Variants in PPP1R36 observed in about 807,000 individuals in gnomAD.
PPP1R36 encodes protein phosphatase 1 regulatory subunit 36, also known as chromosome 14 open reading frame 50.
Under a neutral mutation model 53.4 loss-of-function variants are expected in PPP1R36, and 47 were observed. The ratio of observed to expected loss-of-function variants is 0.88; its 90% CI spans 0.70 to 1.12. The LOEUF (loss-of-function observed/expected upper bound fraction) is 1.12, where lower values mean the gene tolerates loss of function less well. Among genes scored for constraint, PPP1R36 ranks in the 50% most tolerant of loss-of-function variants. The probability of loss-of-function intolerance (pLI) is 0.00; values close to 1 mark genes in which losing one functional copy is unlikely to be tolerated. For synonymous variants in PPP1R36, 153 were observed against 170.5 expected (o/e 0.90, Z 0.80); for missense variants, 456 against 513.9 (o/e 0.89, Z 1.09).
At chr14:64,570,458 G>A (rs1596736811) in intron 7 of PPP1R36, among the ~76,000 whole-genome samples, 2 of 152,214 alleles carry the variant, frequency 1.3e-5, no homozygotes, top group South Asian at 4.1e-4. Context: ...CTCCAGCCTG[G>A]GCGACAGAGC....
chr14:64,552,964 A>T, intron 3 of PPP1R36, 103 bp downstream of exon 3: 1 of 1,086,846 alleles, frequency 9.2e-7, no homozygotes, highest in Non-Finnish European at 1.4e-6. Flanking sequence ...GTGTATAAAT[A>T]TTAAGTGCCA....
intron 3 of PPP1R36, among the ~76,000 whole-genome samples, chr14:64,558,150 A>G (rs558742395): frequency 6.6e-6 from 1 of 152,322 alleles, no homozygotes; most frequent in Admixed American, 6.5e-5. Flanking sequence ...AAACACTGCA[A>G]AAAGGCCTGT....
At chr14:64,553,833 A>C (rs2080118568) in intron 3 of PPP1R36, among the ~76,000 whole-genome samples, 1 of 150,848 alleles carries the variant, frequency 6.6e-6, no homozygotes. Context: ...TAAAAAAAAA[A>C]AAAAAAAACA....
intron 8 of PPP1R36, among the ~76,000 whole-genome samples, chr14:64,583,580 C>T (rs1002372707): frequency 9.2e-5 from 14 of 151,894 alleles, no homozygotes; most frequent in African/African-American, 3.4e-4. Flanking sequence ...TTCAGGAGGC[C>T]GAGACAGGCG....
chr14:64,583,071 A>ATT (rs377337604), intron 8 of PPP1R36, among the ~76,000 whole-genome samples: 5 of 127,588 alleles, frequency 3.9e-5, no homozygotes, highest in African/African-American at 1.1e-4. Flanking sequence ...ATATATATAT[A>ATT]TATATTTTTT....
intron 3 of PPP1R36, among the ~76,000 whole-genome samples, chr14:64,553,842 C>A (rs2100362): frequency 0.64 from 86,583 of 134,648 alleles, 27,676 homozygotes; most frequent in East Asian, 0.87. Context: ...AAAAAAAAAA[C>A]AACAACTCCA....
rs2080243406 is a variant in PPP1R36 at position 64,565,465 on chromosome 14, G to C, written c.367+11G>C. The stretch of plus-strand genomic sequence containing the variant: ...TGGATGATGTTAAATGTGAGTAACT[G>C]TTTCTTTATGCATACATAAACATAC... On this transcript the variant is annotated intron_variant, in intron 5 of 11. Coordinates refer to ENST00000298705, the MANE Select transcript of PPP1R36 (RefSeq NM_172365.3). The C allele has an allele frequency of 1.9e-6, 3 of 1,584,422 alleles. No homozygotes were observed. Among genetic ancestry groups the C allele is most frequent in the African/African-American group, 2.7e-5 (2 of 74,252 alleles).
chr14:64,578,402 T>A (rs564411090), intron 8 of PPP1R36, among the ~76,000 whole-genome samples: 5 of 152,296 alleles, frequency 3.3e-5, no homozygotes, highest in Non-Finnish European at 7.4e-5. Flanking sequence ...ATTTAGTAAG[T>A]CTTGAAGAGA....
intron 8 of PPP1R36, among the ~76,000 whole-genome samples, chr14:64,575,961 A>T (rs2080338369): frequency 1.3e-5 from 2 of 151,170 alleles, no homozygotes; most frequent in Admixed American, 6.6e-5. Context: ...AGTTTAAGAC[A>T]TTTTGTATTA....
Position 64,589,342 on chromosome 14 carries a change from G to A in PPP1R36, c.*4G>A, listed in dbSNP as rs1024244267. ...TCATACATCATGCCCTAAGTAACCT[G>A]GTACATTCCATATCTCAAGTAAACT... is the stretch of plus-strand genomic sequence containing the variant. On this transcript the variant is annotated 3_prime_UTR_variant, in exon 12 of 12. Transcript: ENST00000298705. 6.3e-7 allele frequency: 1 copy of A among 1,587,076 alleles called. No individual in the cohort carries two copies. The highest frequency in any genetic ancestry group is 1.4e-5 in the African/African-American group (1 of 73,676).
intron 8 of PPP1R36, among the ~76,000 whole-genome samples, chr14:64,578,324 C>T (rs1566657048): frequency 6.6e-6 from 1 of 152,288 alleles, no homozygotes; most frequent in East Asian, 1.9e-4. Flanking sequence ...GCCTGTTGTT[C>T]TTTCTTACAG....
intron 1 of PPP1R36, chr14:64,550,291 T>G: frequency 7.4e-7 from 1 of 1,351,576 alleles, no homozygotes; most frequent in Non-Finnish European, 9.5e-7. Context: ...GCGCAGGTAG[T>G]TAGATATTTA....
chr14:64,565,544 A>C lies in PPP1R36; in HGVS notation c.368-82A>C, dbSNP rs2140229627. 3 of 1,415,362 alleles carry C rather than the reference A, an allele frequency of 2.1e-6. No individual in the cohort carries two copies. In the South Asian group the frequency reaches 3.5e-5, roughly 16 times the overall value. The allele number at this position is 1,415,362 out of a possible 1,614,324, so 87.7% of individuals were successfully genotyped here. A position where few individuals can be genotyped will look rare whatever the true frequency, so the allele number is the denominator to read the frequency against. On this transcript the variant is annotated intron_variant, in intron 5 of 11. Coordinates refer to ENST00000298705, the MANE Select transcript of PPP1R36 (RefSeq NM_172365.3). ...ATAAACATCCGCCCATCTACATATA[A>C]CATCCATACATAAACGTATCTTGTG...
rs112476970 is a variant in PPP1R36 at position 64,561,038 on chromosome 14, G to A, written c.183-3713G>A. 8.5e-3 allele frequency among the ~76,000 whole-genome samples: 1,299 copies of A among 152,184 alleles called. 17 individuals carry two copies. Among genetic ancestry groups the A allele is most frequent in the African/African-American group, 0.03 (1,241 of 41,502 alleles). On this transcript the variant is annotated intron_variant, in intron 3 of 11. Transcript: ENST00000298705. ...ACCAATAAATTGTAGCCAGAGAGAG[G>A]GGAGGAAAATAGAGTGTCCTGAATC...
chr14:64,551,191 T>C (rs543186397), intron 2 of PPP1R36, among the ~76,000 whole-genome samples: 67 of 152,352 alleles, frequency 4.4e-4, no homozygotes, highest in African/African-American at 1.6e-3. Flanking sequence ...TTACCAACTC[T>C]TTGAAACAGC....
At chr14:64,554,051 T>C (rs1460812002) in intron 3 of PPP1R36, among the ~76,000 whole-genome samples, 1 of 151,894 alleles carries the variant, frequency 6.6e-6, no homozygotes, top group Non-Finnish European at 1.5e-5. Context: ...AGGCAGACCC[T>C]TGTATATTTT....
intron 3 of PPP1R36, among the ~76,000 whole-genome samples, chr14:64,560,447 A>G (rs887204708): frequency 6.6e-6 from 1 of 151,666 alleles, no homozygotes; most frequent in Non-Finnish European, 1.5e-5. Context: ...TCAAGAAAAA[A>G]AAAAAAAAAA....
intron 8 of PPP1R36, among the ~76,000 whole-genome samples, chr14:64,578,905 C>T (rs2080364789): frequency 6.6e-6 from 1 of 152,230 alleles, no homozygotes; most frequent in Admixed American, 6.5e-5. Flanking sequence ...GGTACGTTTA[C>T]ACCTTGGAAT....
chr14:64,556,720 T>C (rs2080155946), intron 3 of PPP1R36, among the ~76,000 whole-genome samples: 1 of 149,174 alleles, frequency 6.7e-6, no homozygotes, highest in African/African-American at 2.5e-5. Flanking sequence ...TGCGCCACTG[T>C]GCTCTAGCCT....
Sources: allele counts gnomAD v4.1 joint callset (sites outside exome capture counted in the v4.1 genomes callset), GRCh38; gene constraint gnomAD v4.1.1; transcripts MANE v1.5; gene names NCBI Gene and HGNC (gene_info 2026-07-23, HGNC 2026-07-21).